Variants in B3GALT1 observed in about 807,000 individuals in gnomAD.
B3GALT1 encodes beta-1,3-galactosyltransferase 1, also known as UDP-Gal:betaGlcNAc beta 1,3-galactosyltransferase, polypeptide 1.
A neutral mutation model predicts 23.2 loss-of-function variants in B3GALT1; 10 were observed. The ratio of observed to expected loss-of-function variants is 0.43; its 90% CI spans 0.27 to 0.73. B3GALT1 has a LOEUF of 0.73. B3GALT1 is among the 30% of genes least tolerant of loss of function. The probability of loss-of-function intolerance (pLI) is 0.21; values close to 1 mark genes in which losing one functional copy is unlikely to be tolerated. For synonymous variants in B3GALT1, 156 were observed against 141.5 expected (o/e 1.10, Z -0.73); for missense variants, 299 against 405.4 (o/e 0.74, Z 2.25).
chr2:167,495,594 A>T (rs1409148846), intron 2 of B3GALT1, among the ~76,000 whole-genome samples: 1 of 151,976 alleles, frequency 6.6e-6, no homozygotes, highest in Non-Finnish European at 1.5e-5. Flanking sequence ...TGGCCTTCCA[A>T]AGTGCTGGGA....
intron 1 of B3GALT1, among the ~76,000 whole-genome samples, chr2:167,316,304 TTACTA>T (rs1696716924): frequency 6.6e-6 from 1 of 152,096 alleles, no homozygotes; most frequent in African/African-American, 2.4e-5. Flanking sequence ...ACAAAAACCT[TTACTA>T]TAGGATTTTT....
chr2:167,308,611 TG>T (rs1330448285), intron 1 of B3GALT1, among the ~76,000 whole-genome samples: 2 of 151,830 alleles, frequency 1.3e-5, no homozygotes, highest in African/African-American at 4.8e-5. Flanking sequence ...TACTATCTAA[TG>T]TTTTTTTTGA....
chr2:167,660,508 G>A (rs940984588), intron 3 of B3GALT1, among the ~76,000 whole-genome samples: 7 of 152,038 alleles, frequency 4.6e-5, no homozygotes, highest in Admixed American at 3.9e-4. Flanking sequence ...GGCTTTTAAG[G>A]TCTCAGGGGC....
intron 2 of B3GALT1, among the ~76,000 whole-genome samples, chr2:167,595,347 C>T (rs1005168762): frequency 6.6e-6 from 1 of 152,168 alleles, no homozygotes; most frequent in African/African-American, 2.4e-5. Flanking sequence ...ATATCATGTG[C>T]TGTCTCATTA....
chr2:167,714,388 G>A, intron 3 of B3GALT1: 2 of 1,522,120 alleles, frequency 1.3e-6, no homozygotes, highest in East Asian at 2.3e-5. Context: ...TCCCTGGGCT[G>A]CTTGGGCTTC....
intron 3 of B3GALT1, among the ~76,000 whole-genome samples, chr2:167,684,391 G>T (rs1273944044): frequency 6.6e-6 from 1 of 152,144 alleles, no homozygotes; most frequent in Non-Finnish European, 1.5e-5. Flanking sequence ...TTCAATAGAG[G>T]AATAAATTGT....
At chr2:167,350,302 T>C (rs140211997) in intron 1 of B3GALT1, among the ~76,000 whole-genome samples, 2 of 152,342 alleles carry the variant, frequency 1.3e-5, no homozygotes, top group African/African-American at 4.8e-5. Flanking sequence ...GCCTACCCTG[T>C]GTGTTACTGA....
chr2:167,463,244 CTTTTA>C (rs1473511717), intron 1 of B3GALT1, among the ~76,000 whole-genome samples: 1 of 152,020 alleles, frequency 6.6e-6, no homozygotes, highest in Non-Finnish European at 1.5e-5. Context: ...AGGGCAGAAT[CTTTTA>C]TTTTACTAAT....
chr2:167,789,788 C>A (rs1017951977), intron 3 of B3GALT1, among the ~76,000 whole-genome samples: 3 of 152,120 alleles, frequency 2.0e-5, no homozygotes, highest in African/African-American at 7.2e-5. Context: ...CCTCCTCCCC[C>A]ACAGCCCCCA....
intron 3 of B3GALT1, among the ~76,000 whole-genome samples, chr2:167,734,516 C>T (rs1687461626): frequency 6.6e-6 from 1 of 152,118 alleles, no homozygotes; most frequent in Non-Finnish European, 1.5e-5. Context: ...GAATGAGACC[C>T]CCGTGCACCA....
At chr2:167,845,107 T>G (rs150362186) in intron 4 of B3GALT1, among the ~76,000 whole-genome samples, 2 of 152,096 alleles carry the variant, frequency 1.3e-5, no homozygotes, top group Non-Finnish European at 2.9e-5. Context: ...AAGGAGAGTC[T>G]GAGTTCAGAC....
At chr2:167,849,807 G>A (rs1464659215) in intron 4 of B3GALT1, among the ~76,000 whole-genome samples, 5 of 150,880 alleles carry the variant, frequency 3.3e-5, no homozygotes, top group South Asian at 2.1e-4. Context: ...GGAGAATGGC[G>A]TGAACCCGGG....
chr2:167,357,548 T>C (rs1004645472), intron 1 of B3GALT1, among the ~76,000 whole-genome samples: 9 of 152,162 alleles, frequency 5.9e-5, no homozygotes, highest in African/African-American at 9.7e-5. Flanking sequence ...AAGAGGAATT[T>C]TCTTCCTCTT....
chr2:167,590,612 A>C (rs527584676), intron 2 of B3GALT1, among the ~76,000 whole-genome samples: 1 of 152,342 alleles, frequency 6.6e-6, no homozygotes, highest in South Asian at 2.1e-4. Context: ...TCATGACCAT[A>C]AAGATTATGA....
At chr2:167,347,424 A>C (rs1697237262) in intron 1 of B3GALT1, among the ~76,000 whole-genome samples, 1 of 152,154 alleles carries the variant, frequency 6.6e-6, no homozygotes, top group Non-Finnish European at 1.5e-5. Context: ...GTTCTATAAT[A>C]ATTGTCCTTT....
At chr2:167,537,729 G>C (rs1292903934) in intron 2 of B3GALT1, among the ~76,000 whole-genome samples, 2 of 151,474 alleles carry the variant, frequency 1.3e-5, no homozygotes, top group African/African-American at 2.4e-5. Flanking sequence ...CCTTACTTCT[G>C]CTCCTACTGG....
At chr2:167,316,747 A>C (rs1696726060) in intron 1 of B3GALT1, among the ~76,000 whole-genome samples, 2 of 152,102 alleles carry the variant, frequency 1.3e-5, no homozygotes, top group Admixed American at 6.5e-5. Flanking sequence ...TCAGCAACAC[A>C]CACTTGATTG....
At chr2:167,533,283 C>A (rs376659266) in intron 2 of B3GALT1, among the ~76,000 whole-genome samples, 1 of 152,014 alleles carries the variant, frequency 6.6e-6, no homozygotes, top group Non-Finnish European at 1.5e-5. Flanking sequence ...TTCACCATTA[C>A]GTTACCTGTA....
intron 3 of B3GALT1, among the ~76,000 whole-genome samples, chr2:167,790,850 A>C (rs1008957208): frequency 7.9e-5 from 12 of 152,162 alleles, no homozygotes; most frequent in African/African-American, 2.7e-4. Flanking sequence ...GCTGTTCCCT[A>C]AGCTACAAAA....
Sources: allele counts gnomAD v4.1 joint callset (sites outside exome capture counted in the v4.1 genomes callset), GRCh38; gene constraint gnomAD v4.1.1; transcripts MANE v1.5; gene names NCBI Gene and HGNC (gene_info 2026-07-23, HGNC 2026-07-21).